ADAM9: variants seen among roughly 807,000 people sequenced by gnomAD.
The protein encoded by ADAM9 is disintegrin and metalloproteinase domain-containing protein 9.
ADAM9 carries 54 observed loss-of-function variants against 108.1 expected under a neutral mutation model. The observed-to-expected ratio is 0.50, with a 90% CI of 0.40 to 0.63. The LOEUF is 0.63. Ranked by LOEUF, ADAM9 falls within the 20% of genes least tolerant of loss-of-function variation. ADAM9 has a pLI of 0.00. For synonymous variants in ADAM9, 316 were observed against 336.0 expected (o/e 0.94, Z 0.65); for missense variants, 830 against 997.7 (o/e 0.83, Z 2.26).
chr8:39,099,069 A>G, intron 20 of ADAM9, among the ~76,000 whole-genome samples: 1 of 152,104 alleles, frequency 6.6e-6, no homozygotes, highest in East Asian at 1.9e-4. Context: ...TTAGTTCCCC[A>G]TCTATCAGCA....
chr8:39,085,969 A>G (rs577802747), intron 18 of ADAM9, among the ~76,000 whole-genome samples: 3 of 151,426 alleles, frequency 2.0e-5, no homozygotes, highest in African/African-American at 4.8e-5. Context: ...CATGTCACTG[A>G]TTGGCTGTTG....
chr8:39,095,397 G>A (rs541470490), intron 20 of ADAM9, among the ~76,000 whole-genome samples: 3 of 152,174 alleles, frequency 2.0e-5, no homozygotes, highest in African/African-American at 4.8e-5. Flanking sequence ...CATTGACCAA[G>A]TGATTGTTTA....
chr8:39,055,957 C>G lies in ADAM9; in HGVS notation c.1591+185C>G, dbSNP rs368987333. 3.3e-5 allele frequency among the ~76,000 whole-genome samples: 5 copies of G among 152,144 alleles called. No individual in the cohort carries two copies. The East Asian group carries it at 9.6e-4, about 29-fold the overall frequency. On this transcript the variant is annotated intron_variant, in intron 14 of 21. Coordinates refer to ENST00000487273, the MANE Select transcript of ADAM9 (RefSeq NM_003816.3). ...TATGCACAGATTCAGTTGATGTTTT[C>G]TTATTTTTACTGTCTATATCTTTTT...
intron 1 of ADAM9, among the ~76,000 whole-genome samples, chr8:39,005,673 A>G (rs937226763): frequency 6.6e-6 from 1 of 152,236 alleles, no homozygotes; most frequent in East Asian, 1.9e-4. Context: ...AAACTCAGAA[A>G]CAACTGATGA....
intron 14 of ADAM9, among the ~76,000 whole-genome samples, chr8:39,068,216 T>A (rs1355984755): frequency 1.3e-5 from 2 of 152,196 alleles, no homozygotes; most frequent in African/African-American, 4.8e-5. Context: ...GAGGTCACTC[T>A]AGGCTCATGG....
chr8:39,090,744 A>G (rs1213951464), intron 19 of ADAM9, among the ~76,000 whole-genome samples: 1 of 152,144 alleles, frequency 6.6e-6, no homozygotes, highest in Non-Finnish European at 1.5e-5. Context: ...CTTCCAACTG[A>G]CCAGTCTATG....
chr8:39,008,977 A>G (rs1316584035), intron 2 of ADAM9, among the ~76,000 whole-genome samples: 1 of 152,168 alleles, frequency 6.6e-6, no homozygotes, highest in Non-Finnish European at 1.5e-5. Flanking sequence ...TAGCTTATGA[A>G]TTGTATTAAT....
At chr8:39,088,978 G>A (rs1343522431) in intron 18 of ADAM9, among the ~76,000 whole-genome samples, 1 of 152,124 alleles carries the variant, frequency 6.6e-6, no homozygotes, top group African/African-American at 2.4e-5. Flanking sequence ...GGCCAGGCAC[G>A]GTGGCTCACG....
At chr8:39,059,418 A>C (rs1838225803) in intron 14 of ADAM9, among the ~76,000 whole-genome samples, 1 of 52 alleles carries the variant, frequency 0.019, no homozygotes, top group Non-Finnish European at 0.033. Context: ...GGCACTTAGC[A>C]GCAACAATGC....
At position 39,013,943 on chromosome 8, in the gene ADAM9, C is replaced by A. The variant is rs76099010; in HGVS notation, c.255-22C>A. ...TGTAGATAGATAACATATATATAAA[C>A]GGTGTTTTATTTCTCTTCCAGAGAC... On this transcript the variant is annotated intron_variant, in intron 3 of 21. Transcript: ENST00000487273. 3 of 1,563,822 alleles carry A rather than the reference C, an allele frequency of 1.9e-6. No individual in the cohort carries two copies. In the East Asian group the frequency reaches 6.7e-5, roughly 35 times the overall value.
chr8:39,087,798 G>A (rs930395010), intron 18 of ADAM9, among the ~76,000 whole-genome samples: 9 of 152,078 alleles, frequency 5.9e-5, no homozygotes, highest in East Asian at 5.8e-4. Flanking sequence ...ACAGTTGACC[G>A]TTGAACAATG....
chr8:39,039,064 G>A (rs1031310579), intron 11 of ADAM9, among the ~76,000 whole-genome samples: 2 of 152,118 alleles, frequency 1.3e-5, no homozygotes, highest in African/African-American at 4.8e-5. Context: ...CTAGAGACCA[G>A]TTAGCAAAGA....
intron 11 of ADAM9, among the ~76,000 whole-genome samples, chr8:39,036,866 A>ATT (rs113532674): frequency 4.9e-5 from 7 of 142,684 alleles, no homozygotes; most frequent in African/African-American, 1.5e-4. Flanking sequence ...ATGTGGGTGA[A>ATT]TTTTTTTTTT....
intron 20 of ADAM9, among the ~76,000 whole-genome samples, chr8:39,095,712 GTGAAGTAT>G (rs1166333223): frequency 2.6e-5 from 4 of 152,152 alleles, no homozygotes; most frequent in African/African-American, 9.7e-5. Flanking sequence ...GTTGTTGAAA[GTGAAGTAT>G]TGAAGTTTCC....
chr8:39,023,876 A>T (rs1836836086), intron 9 of ADAM9, among the ~76,000 whole-genome samples: 1 of 149,632 alleles, frequency 6.7e-6, no homozygotes, highest in African/African-American at 2.5e-5. Context: ...CCTCCCGACT[A>T]GCTGGGATTA....
intron 11 of ADAM9, among the ~76,000 whole-genome samples, chr8:39,037,308 C>G (rs1316113960): frequency 6.8e-6 from 1 of 147,208 alleles, no homozygotes; most frequent in East Asian, 2.0e-4. Context: ...CTCGGCCTCC[C>G]AAAGTGCTGG....
chr8:39,035,791 T>C (rs1435050597), intron 11 of ADAM9, among the ~76,000 whole-genome samples: 1 of 152,128 alleles, frequency 6.6e-6, no homozygotes, highest in Non-Finnish European at 1.5e-5. Context: ...CATTCCAGCC[T>C]GGGTGACAGA....
At chr8:39,042,367 A>G (rs536176990) in intron 12 of ADAM9, among the ~76,000 whole-genome samples, 4 of 152,026 alleles carry the variant, frequency 2.6e-5, no homozygotes, top group South Asian at 2.1e-4. Flanking sequence ...TTTTAATGCT[A>G]TTTTCTATGA....
Position 39,046,413 on chromosome 8 carries a change from A to G in ADAM9, c.1302+4296A>G, listed in dbSNP as rs181305820. Among the ~76,000 whole-genome samples, 7 of 152,286 alleles carry G rather than the reference A, an allele frequency of 4.6e-5. No individual in the cohort carries two copies. In the East Asian group the frequency reaches 1.4e-3, roughly 29 times the overall value. ...ATGTATGATCATGTCATCTTAAAAG[A>G]GGGACAGTTTTGCTTCATTTCCGAT... On this transcript the variant is annotated intron_variant, in intron 12 of 21. Transcript: ENST00000487273.
Sources: gnomAD v4.1 joint callset for allele counts (sites outside exome capture counted in the v4.1 genomes callset) on GRCh38, gnomAD v4.1.1 for gene constraint, MANE v1.5 for transcripts, NCBI Gene and HGNC (gene_info 2026-07-23, HGNC 2026-07-21) for gene names.